The following FOXP1 variants were observed in gnomAD, a reference collection of about 807,000 sequenced individuals.
FOXP1 encodes forkhead box P1.
FOXP1 carries 15 observed loss-of-function variants against 98.2 expected under a neutral mutation model. That is an observed-to-expected ratio of 0.15 (90% confidence interval 0.10 to 0.24). The LOEUF (loss-of-function observed/expected upper bound fraction) is 0.24. Ranked by LOEUF, FOXP1 falls within the 10% of genes least tolerant of loss-of-function variation. The probability of loss-of-function intolerance (pLI) is 1.00; values close to 1 mark genes in which losing one functional copy is unlikely to be tolerated. For missense variants in FOXP1, 633 were observed against 848.5 expected, an observed-to-expected ratio of 0.75 and a Z score of 3.15; for synonymous variants, 371 against 314.5, an observed-to-expected ratio of 1.18 and a Z score of -1.90.
chr3:71,013,574 C>A (rs924528393), intron 12 of FOXP1, among the ~76,000 whole-genome samples: 2 of 152,084 alleles, frequency 1.3e-5, no homozygotes, highest in African/African-American at 2.4e-5. Context: ...GCCACATTGC[C>A]CAAGGTAATT....
At chr3:70,970,222 TGTTTAAACAGACATG>T (rs2035914706) in intron 19 of FOXP1, 1 of 168,054 alleles carries the variant, frequency 6.0e-6, no homozygotes, top group Non-Finnish European at 1.3e-5. Context: ...ACACCTCTAT[TGTTTAAACAGACATG>T]GTTTACTTTT....
intron 3 of FOXP1, among the ~76,000 whole-genome samples, chr3:71,412,397 T>G (rs186530660): frequency 6.6e-6 from 1 of 152,270 alleles, no homozygotes; most frequent in African/African-American, 2.4e-5. Flanking sequence ...AGGGGCATGA[T>G]CTCATCGACT....
intron 2 of FOXP1, among the ~76,000 whole-genome samples, chr3:71,509,151 G>A (rs985106213): frequency 6.6e-6 from 1 of 152,216 alleles, no homozygotes; most frequent in African/African-American, 2.4e-5. Flanking sequence ...AGAGAATAGA[G>A]ATGAAGCATG....
rs35322006 is a variant in FOXP1, at chr3:71,515,433, C to CAAAA, written c.-297-21882_-297-21879dup. Among the ~76,000 whole-genome samples, 263 of 96,836 alleles carry CAAAA rather than the reference C, an allele frequency of 2.7e-3. 9 individuals are homozygous for CAAAA. The highest frequency in any genetic ancestry group is 0.021 in the Middle Eastern group (3 of 144). The allele number at this position is 96,836 out of a possible 152,430, so 63.5% of individuals were successfully genotyped here. ...TTCCCTTTGATCAAAATTTACACAG[C>CAAAA]AAAAAAAAAAAAAAAAAAAACTGCA... is the stretch of plus-strand genomic sequence containing the variant. On this transcript the variant is annotated intron_variant, in intron 2 of 20. Transcript: ENST00000649528.
At chr3:71,024,179 G>A (rs182048239) in intron 11 of FOXP1, among the ~76,000 whole-genome samples, 6 of 152,304 alleles carry the variant, frequency 3.9e-5, no homozygotes, top group African/African-American at 7.2e-5. Context: ...CAGATGAAAC[G>A]TGGGAACAGG....
At chr3:71,229,732 T>A (rs1027373520) in intron 5 of FOXP1, among the ~76,000 whole-genome samples, 9 of 151,260 alleles carry the variant, frequency 6.0e-5, no homozygotes, top group Admixed American at 4.0e-4. Flanking sequence ...CTTTGAAATT[T>A]AAAAAAAAAT....
intron 16 of FOXP1, among the ~76,000 whole-genome samples, 171 bp downstream of exon 16, chr3:70,977,470 TTG>T (rs1197509546): frequency 6.6e-6 from 1 of 152,230 alleles, no homozygotes; most frequent in East Asian, 1.9e-4. Context: ...TCACATCGTA[TTG>T]TAATACTTAA....
intron 7 of FOXP1, among the ~76,000 whole-genome samples, chr3:71,098,001 A>T (rs76990105): frequency 0.029 from 4,365 of 152,292 alleles, 201 homozygotes; most frequent in African/African-American, 0.1. Flanking sequence ...ACTCCTTTTA[A>T]ACATCTGTTG....
In FOXP1 at chr3:71,401,715, T is replaced by C. The variant is rs141350822; in HGVS notation, c.-167-42471A>G. 1.5e-3 allele frequency among the ~76,000 whole-genome samples: 223 copies of C among 152,310 alleles called. 1 individual carries two copies. Among genetic ancestry groups the C allele is most frequent in the African/African-American group, 5.2e-3 (216 of 41,560 alleles). ...TCTGCTCTAGTGCTGCACTAATTGG[T>C]TGATACCTTCCTTCGCTAAATCTTG... On this transcript the variant is annotated intron_variant, in intron 3 of 20. Transcript: ENST00000649528.
intron 3 of FOXP1, among the ~76,000 whole-genome samples, chr3:71,374,546 G>C (rs1453517938): frequency 6.6e-6 from 1 of 151,710 alleles, no homozygotes; most frequent in African/African-American, 2.4e-5. Flanking sequence ...TGAGCCAAGA[G>C]TGCGCCACTA....
chr3:71,489,147 G>A (rs1560556136), intron 3 of FOXP1, among the ~76,000 whole-genome samples: 1 of 152,104 alleles, frequency 6.6e-6, no homozygotes, highest in East Asian at 1.9e-4. Context: ...CCATATTCTC[G>A]AGTTTTATTT....
At chr3:71,110,270 T>C (rs1289177891) in intron 7 of FOXP1, among the ~76,000 whole-genome samples, 1 of 152,204 alleles carries the variant, frequency 6.6e-6, no homozygotes, top group Non-Finnish European at 1.5e-5. Flanking sequence ...AAAGCAAGTA[T>C]GAGGGAAAAT....
intron 6 of FOXP1, among the ~76,000 whole-genome samples, chr3:71,194,517 A>G (rs576191884): frequency 6.6e-6 from 1 of 152,294 alleles, no homozygotes; most frequent in African/African-American, 2.4e-5. Context: ...GCTTTCTAAA[A>G]TTCAAGACTT....
chr3:71,137,719 T>C lies in FOXP1; in HGVS notation c.181-25082A>G, dbSNP rs183331295. Among the ~76,000 whole-genome samples, 306 of 152,194 alleles carry C rather than the reference T, an allele frequency of 2.0e-3. 1 individual carries two copies. Among genetic ancestry groups the C allele is most frequent in the Non-Finnish European group, 3.8e-3 (258 of 68,016 alleles). On this transcript the variant is annotated intron_variant, in intron 6 of 20. Transcript: ENST00000649528. ...AACAATTCGCCCACCTTCAATAACA[T>C]CCGAATGCATCTGGATGGTGCCCAC...
intron 7 of FOXP1, chr3:71,065,733 A>AACAATAG (rs2107347845): frequency 6.6e-6 from 1 of 152,372 alleles, no homozygotes. Flanking sequence ...TTATTTATAC[A>AACAATAG]ACAATAGCAA....
At chr3:71,377,365 T>C (rs2079798537) in intron 3 of FOXP1, among the ~76,000 whole-genome samples, 1 of 152,218 alleles carries the variant, frequency 6.6e-6, no homozygotes, top group Non-Finnish European at 1.5e-5. Context: ...TAATCAGGTA[T>C]ATAAATATCA....
intron 11 of FOXP1, among the ~76,000 whole-genome samples, chr3:71,030,830 T>C (rs1239864279): frequency 6.6e-6 from 1 of 152,234 alleles, no homozygotes; most frequent in African/African-American, 2.4e-5. Flanking sequence ...TAAACTGCCA[T>C]TTTTCTCTCA....
chr3:70,976,445 C>T lies in FOXP1; in HGVS notation c.1530+496G>A, dbSNP rs148625107. ...GTTCTCCATTAATAACTCCTACAAA[C>T]AGTGCTAGTGCTTGGATTGCACAGC... On this transcript the variant is annotated intron_variant, in intron 17 of 20. Coordinates refer to ENST00000649528, the MANE Select transcript of FOXP1 (RefSeq NM_001349338.3). Among the ~76,000 whole-genome samples the T allele has an allele frequency of 2.6e-5, 4 of 152,342 alleles. No homozygotes were observed. In the East Asian group the frequency reaches 7.7e-4, roughly 29 times the overall value.
intron 3 of FOXP1, among the ~76,000 whole-genome samples, chr3:71,413,227 C>A (rs1437901490): frequency 1.3e-5 from 1 of 75,402 alleles, no homozygotes; most frequent in Non-Finnish European, 2.4e-5. Flanking sequence ...ACACACACCC[C>A]CCCAAATAGA....
Sources: allele counts gnomAD v4.1 joint callset (sites outside exome capture counted in the v4.1 genomes callset), GRCh38; gene constraint gnomAD v4.1.1; transcripts MANE v1.5; gene names NCBI Gene and HGNC (gene_info 2026-07-23, HGNC 2026-07-21).